The following ARB2A variants were observed in gnomAD, a reference collection of about 807,000 sequenced individuals.
ARB2A encodes cotranscriptional regulator ARB2A.
chr5:93,971,569 A>AAAATT, the ARB2A span, among the ~76,000 whole-genome samples: 1 of 139,356 alleles, frequency 7.2e-6, no homozygotes, highest in South Asian at 2.4e-4. Context: ...CTCCGTCTCA[A>AAAATT]AAATAAATAA....
chr5:93,631,250 G>C, the ARB2A span, among the ~76,000 whole-genome samples: 1 of 152,042 alleles, frequency 6.6e-6, no homozygotes, highest in Non-Finnish European at 1.5e-5. Flanking sequence ...TTCAACCTTG[G>C]CTGGCTTCTC....
chr5:93,999,021 T>C, the ARB2A span, among the ~76,000 whole-genome samples: 2 of 152,222 alleles, frequency 1.3e-5, no homozygotes, highest in Non-Finnish European at 2.9e-5. Context: ...GCATTATTCA[T>C]ATTATTTCTC....
the ARB2A span, among the ~76,000 whole-genome samples, chr5:93,931,868 GA>G: frequency 6.6e-6 from 1 of 152,078 alleles, no homozygotes; most frequent in African/African-American, 2.4e-5. Context: ...TTATCTAAGT[GA>G]AATTATATAG....
the ARB2A span, among the ~76,000 whole-genome samples, chr5:93,864,087 A>C: frequency 6.6e-6 from 1 of 152,344 alleles, no homozygotes; most frequent in Non-Finnish European, 1.5e-5. Context: ...CAAGCAATTA[A>C]GAAAATGTAA....
the ARB2A span, among the ~76,000 whole-genome samples, chr5:94,054,827 G>A: frequency 6.6e-6 from 1 of 151,994 alleles, no homozygotes; most frequent in African/African-American, 2.4e-5. Flanking sequence ...ATGGACTTGT[G>A]GACACTTATT....
chr5:93,767,993 CAAAAAAAAAAAAAAAA>C, the ARB2A span, among the ~76,000 whole-genome samples: 39 of 20,960 alleles, frequency 1.9e-3, no homozygotes, highest in African/African-American at 2.9e-3. Context: ...GACTCCATCT[CAAAAAAAAAAAAAAAA>C]AAAAAAAAAA....
the ARB2A span, among the ~76,000 whole-genome samples, chr5:94,061,179 A>G: frequency 6.6e-6 from 1 of 152,244 alleles, no homozygotes; most frequent in East Asian, 1.9e-4. Context: ...CAGAGCTTGC[A>G]ATGAGCCAAG....
chr5:93,622,478 A>G, the ARB2A span, among the ~76,000 whole-genome samples: 2 of 152,362 alleles, frequency 1.3e-5, no homozygotes, highest in South Asian at 2.1e-4. Context: ...CAGTATCACA[A>G]TCTAGGAGTT....
chr5:93,856,447 A>C, the ARB2A span, among the ~76,000 whole-genome samples: 1 of 152,168 alleles, frequency 6.6e-6, no homozygotes, highest in Admixed American at 6.5e-5. Context: ...GTCTTTTCAC[A>C]TAGTCCCATA....
the ARB2A span, chr5:94,055,967 A>G: frequency 1.1e-6 from 1 of 875,862 alleles, no homozygotes; most frequent in Non-Finnish European, 1.4e-6. Flanking sequence ...CATATACATT[A>G]CTTCATTTGA....
At chr5:93,776,316 T>C in the ARB2A span, 5 of 1,230,298 alleles carry the variant, frequency 4.1e-6, no homozygotes, top group African/African-American at 4.5e-5. Context: ...AGAGTTTAAT[T>C]TATCCTATAA....
the ARB2A span, among the ~76,000 whole-genome samples, chr5:93,993,754 CT>C: frequency 2.6e-5 from 4 of 151,390 alleles, no homozygotes; most frequent in African/African-American, 9.7e-5. Context: ...AGTAAGAACT[CT>C]AAGAAGAGAC....
the ARB2A span, among the ~76,000 whole-genome samples, chr5:93,870,114 G>A: frequency 2.6e-5 from 4 of 152,172 alleles, no homozygotes; most frequent in African/African-American, 7.2e-5. Context: ...GATTCTCCAC[G>A]GTCTTCTATT....
the ARB2A span, among the ~76,000 whole-genome samples, chr5:93,639,405 C>T: frequency 6.6e-6 from 1 of 150,714 alleles, no homozygotes; most frequent in South Asian, 2.1e-4. Flanking sequence ...CACTATTTTA[C>T]TCCCAGTTCT....
chr5:94,069,572 TCAAA>T, the ARB2A span, among the ~76,000 whole-genome samples: 2 of 151,870 alleles, frequency 1.3e-5, no homozygotes, highest in South Asian at 4.2e-4. Context: ...CACAAGGAAA[TCAAA>T]CAATTCAGCA....
At chr5:93,870,622 A>G in the ARB2A span, among the ~76,000 whole-genome samples, 14 of 152,232 alleles carry the variant, frequency 9.2e-5, no homozygotes, top group African/African-American at 3.1e-4. Context: ...TGACATTTGC[A>G]TTAATCATTA....
the ARB2A span, among the ~76,000 whole-genome samples, chr5:94,107,692 T>C: frequency 2.6e-5 from 4 of 152,200 alleles, no homozygotes; most frequent in Non-Finnish European, 4.4e-5. Flanking sequence ...TTGAACTCAT[T>C]ATGAATAGAA....
the ARB2A span, among the ~76,000 whole-genome samples, chr5:93,856,436 G>T: frequency 1.3e-5 from 2 of 152,040 alleles, no homozygotes; most frequent in Non-Finnish European, 1.5e-5. Flanking sequence ...ACGTAGATTT[G>T]GTCTTTTCAC....
chr5:94,012,891 A>T, the ARB2A span, among the ~76,000 whole-genome samples: 1 of 152,196 alleles, frequency 6.6e-6, no homozygotes, highest in African/African-American at 2.4e-5. Flanking sequence ...TTAAGGTAGT[A>T]TTTGTATTAG....
Sources: allele counts gnomAD v4.1 joint callset (sites outside exome capture counted in the v4.1 genomes callset), GRCh38; gene constraint gnomAD v4.1.1; transcripts MANE v1.5; gene names NCBI Gene and HGNC (gene_info 2026-07-23, HGNC 2026-07-21).